KIAA1549L: variants seen among roughly 807,000 people sequenced by gnomAD.
The protein encoded by KIAA1549L is KIAA1549 like.
A neutral mutation model predicts 160.7 loss-of-function variants in KIAA1549L; 88 were observed. The ratio of observed to expected loss-of-function variants is 0.55; its 90% CI spans 0.46 to 0.65. The LOEUF (loss-of-function observed/expected upper bound fraction) is 0.65, where lower values mean the gene tolerates loss of function less well. Ranked by LOEUF, KIAA1549L falls within the 30% of genes least tolerant of loss-of-function variation. The pLI is 0.00. For synonymous variants in KIAA1549L, 950 were observed against 976.7 expected, an observed-to-expected ratio of 0.97 and a Z score of 0.51; for missense variants, 2,258 against 2,437.5, an observed-to-expected ratio of 0.93 and a Z score of 1.55.
rs529851181 is a variant in KIAA1549L, at chr11:33,598,826, G to T, written c.4758G>T (p.Ser1586=). 1 of 1,613,756 alleles carries T rather than the reference G, an allele frequency of 6.2e-7. No individual in the cohort carries two copies. Among genetic ancestry groups the T allele is most frequent in the South Asian group, 1.1e-5 (1 of 91,078 alleles). ...AKSTETRKSR[S]PSENGSVISN... ...TTGCTATGGTTACCTCCAGCAGGTC[G>T]CCCAGTGAGAATGGCTCTGTCATCA... Residue 1586 remains serine, a synonymous_variant, in exon 13 of 21, where the codon TCG becomes TCT. Coordinates refer to ENST00000658780, the MANE Select transcript of KIAA1549L (RefSeq NM_012194.3).
intron 16 of KIAA1549L, among the ~76,000 whole-genome samples, chr11:33,635,621 T>C (rs1284072024): frequency 1.3e-5 from 2 of 152,038 alleles, no homozygotes; most frequent in African/African-American, 2.4e-5. Context: ...CAAGAAATTC[T>C]AGAATAAGTG....
In KIAA1549L at chr11:33,494,187, T is replaced by C. The variant is rs1852760887; in HGVS notation, c.239-47615T>C. Reference sequence around the variant, plus strand: ...AGTTTATCACTGTTGATTTTGTTTTTTGTGACACATGACCCTAATATTGAA... The same window carrying C: ...AGTTTATCACTGTTGATTTTGTTTTCTGTGACACATGACCCTAATATTGAA... On this transcript the variant is annotated intron_variant, in intron 1 of 20. Transcript: ENST00000658780. Among the ~76,000 whole-genome samples, 3 of 152,214 alleles carry C rather than the reference T, an allele frequency of 2.0e-5. No individual in the cohort carries two copies. In the South Asian group the frequency reaches 6.2e-4, roughly 32 times the overall value.
chr11:33,435,810 ATGTGTGTG>A (rs371276872), intron 1 of KIAA1549L, among the ~76,000 whole-genome samples: 40 of 27,122 alleles, frequency 1.5e-3, no homozygotes, highest in African/African-American at 2.3e-3. Flanking sequence ...ATATATATAT[ATGTGTGTG>A]TATATATATA....
rs869257067 is a variant in KIAA1549L at position 33,614,584 on chromosome 11, A to ATTTTTTTT, written c.5280-3925_5280-3918dup. On this transcript the variant is annotated intron_variant, in intron 15 of 20. Transcript: ENST00000658780. ...TATATATATATATATATATATATATATTTTTTTTTTTTTTTTTTTTTTTTT... is the reference window on the plus strand; with the variant it reads ...TATATATATATATATATATATATATATTTTTTTTTTTTTTTTTTTTTTTTTTTTTTTTT... Among the ~76,000 whole-genome samples the ATTTTTTTT allele has an allele frequency of 5.9e-4, 3 of 5,116 alleles. 1 individual carries two copies. Among genetic ancestry groups the ATTTTTTTT allele is most frequent in the Non-Finnish European group, 1.1e-3 (3 of 2,850 alleles). 3.4% of individuals were successfully genotyped at this position (5,116 alleles called of 152,430 possible). A position where few individuals can be genotyped will look rare whatever the true frequency, so the allele number is the denominator to read the frequency against.
intron 1 of KIAA1549L, among the ~76,000 whole-genome samples, chr11:33,444,318 C>G (rs1056783457): frequency 1.3e-5 from 2 of 152,136 alleles, no homozygotes; most frequent in East Asian, 3.9e-4. Context: ...TAATAAAATC[C>G]TATGCAGCTA....
chr11:33,435,816 G>GTGTATATATATATATATA (rs1168043080), intron 1 of KIAA1549L, among the ~76,000 whole-genome samples: 4,048 of 38,332 alleles, frequency 0.11, 594 homozygotes, highest in Middle Eastern at 0.15. Flanking sequence ...ATATATGTGT[G>GTGTATATATATATATATA]TGTATATATA....
At chr11:33,427,309 C>T (rs1400117091) in intron 1 of KIAA1549L, among the ~76,000 whole-genome samples, 1 of 152,172 alleles carries the variant, frequency 6.6e-6, no homozygotes, top group Admixed American at 6.5e-5. Flanking sequence ...CTGAATCCTG[C>T]CTTCTCTCCC....
In KIAA1549L at chr11:33,660,851, C is replaced by T. The variant is rs768680412; in HGVS notation, c.6008-12C>T. ...CTCTCTTAACCTCCCTCCTCCATTT[C>T]CTCCATGCCAGGTAATACGGTGCCA... On this transcript the variant is annotated splice_polypyrimidine_tract_variant and intron_variant, in intron 19 of 20. Transcript: ENST00000658780. 1.9e-6 allele frequency: 3 copies of T among 1,613,068 alleles called. No individual in the cohort carries two copies. The highest frequency in any genetic ancestry group is 1.7e-5 in the Admixed American group (1 of 59,958).
intron 1 of KIAA1549L, among the ~76,000 whole-genome samples, chr11:33,499,836 G>A (rs1352812570): frequency 2.0e-5 from 3 of 152,188 alleles, no homozygotes; most frequent in Non-Finnish European, 4.4e-5. Context: ...GTGATAGTGG[G>A]TAGAGTGAGA....
intron 16 of KIAA1549L, among the ~76,000 whole-genome samples, chr11:33,619,065 A>G (rs1399239467): frequency 6.6e-6 from 1 of 152,224 alleles, no homozygotes; most frequent in Non-Finnish European, 1.5e-5. Flanking sequence ...TCCTGATTTC[A>G]TAACTCCTCG....
chr11:33,583,188 G>A (rs1855697469), intron 10 of KIAA1549L, 150 bp from the exon 11 acceptor site: 3 of 649,576 alleles, frequency 4.6e-6, no homozygotes, highest in Non-Finnish European at 7.8e-6. Flanking sequence ...TCACACAGCT[G>A]CGGAGGTGGA....
rs545171320 is a variant in KIAA1549L, at chr11:33,543,955, C to T, written c.2392C>T (p.His798Tyr). The change falls in exon 2 of 21, where the codon CAT becomes TAT. Residue 798 changes from histidine to tyrosine, a missense_variant. By Grantham distance (83) the His-to-Tyr change is moderately conservative (BLOSUM62 2). Transcript: ENST00000658780. The stretch of plus-strand genomic sequence containing the variant: ...GTCAGACATGACCATGGTTGGAAGC[C>T]ATATAGACCTCTGGCCCACAAGCAA... ...QQSDMTMVGS[H>Y]IDLWPTSNNN... The T allele has an allele frequency of 1.9e-5, 31 of 1,613,996 alleles. No homozygotes were observed. The East Asian group carries it at 6.7e-4, about 35-fold the overall frequency.
At chr11:33,632,354 G>C (rs1237306791) in intron 16 of KIAA1549L, among the ~76,000 whole-genome samples, 2 of 152,208 alleles carry the variant, frequency 1.3e-5, no homozygotes, top group Non-Finnish European at 1.5e-5. Context: ...GTTTTACTCT[G>C]ACTGAGCCAT....
At chr11:33,546,433 C>G (rs568044508) in intron 3 of KIAA1549L, among the ~76,000 whole-genome samples, 3 of 152,284 alleles carry the variant, frequency 2.0e-5, no homozygotes, top group East Asian at 3.9e-4. Context: ...CCCAGCCCCC[C>G]CACCAACCCA....
intron 1 of KIAA1549L, among the ~76,000 whole-genome samples, chr11:33,480,375 T>C (rs1413244891): frequency 6.6e-6 from 1 of 152,218 alleles, no homozygotes; most frequent in Non-Finnish European, 1.5e-5. Flanking sequence ...TCATTCCTTT[T>C]TATGGCTGGA....
intron 1 of KIAA1549L, among the ~76,000 whole-genome samples, chr11:33,405,605 A>G (rs1850628898): frequency 6.7e-6 from 1 of 148,706 alleles, no homozygotes; most frequent in Non-Finnish European, 1.5e-5. Context: ...GCACTTTGGG[A>G]GGCCGAGGTG....
At chr11:33,433,053 G>T (rs927571135) in intron 1 of KIAA1549L, among the ~76,000 whole-genome samples, 5 of 152,182 alleles carry the variant, frequency 3.3e-5, no homozygotes, top group Admixed American at 3.3e-4. Flanking sequence ...AACGCCAAAA[G>T]CAATTGCAAC....
At chr11:33,661,990 A>G (rs1297669082) in intron 20 of KIAA1549L, among the ~76,000 whole-genome samples, 6 of 152,044 alleles carry the variant, frequency 3.9e-5, no homozygotes, top group Non-Finnish European at 8.8e-5. Context: ...ATTTAAAAAT[A>G]TATGCAGCTT....
intron 1 of KIAA1549L, among the ~76,000 whole-genome samples, chr11:33,489,043 G>A (rs1459155918): frequency 6.6e-6 from 1 of 152,222 alleles, no homozygotes; most frequent in East Asian, 1.9e-4. Flanking sequence ...TCTGAATGCT[G>A]TGCTGGCCAG....
Sources: allele counts gnomAD v4.1 joint callset (sites outside exome capture counted in the v4.1 genomes callset), GRCh38; gene constraint gnomAD v4.1.1; transcripts MANE v1.5; gene names NCBI Gene and HGNC (gene_info 2026-07-23, HGNC 2026-07-21).